RIPK1: variants seen among roughly 807,000 people sequenced by gnomAD.
The protein encoded by RIPK1 is receptor interacting serine/threonine kinase 1, also known as receptor-interacting serine/threonine-protein kinase 1.
RIPK1 carries 27 observed loss-of-function variants against 62.4 expected under a neutral mutation model. The observed-to-expected ratio is 0.43, with a 90% CI of 0.32 to 0.60. The LOEUF is 0.60. Ranked by LOEUF, RIPK1 falls within the 20% of genes least tolerant of loss-of-function variation. The probability of loss-of-function intolerance (pLI) is 0.07; values close to 1 mark genes in which losing one functional copy is unlikely to be tolerated. For synonymous variants in RIPK1, 287 were observed against 303.2 expected (o/e 0.95, Z 0.55); for missense variants, 735 against 831.0 (o/e 0.88, Z 1.42).
At chr6:3,101,147 G>A (rs1047962892) in intron 7 of RIPK1, among the ~76,000 whole-genome samples, 3 of 152,042 alleles carry the variant, frequency 2.0e-5, no homozygotes, top group Non-Finnish European at 4.4e-5. Flanking sequence ...GCGTGGTGGC[G>A]CATGCCTGTT....
At chr6:3,087,758 C>G (rs17541824) in intron 6 of RIPK1, among the ~76,000 whole-genome samples, 69 of 148,682 alleles carry the variant, frequency 4.6e-4, no homozygotes, top group East Asian at 7.9e-4. Flanking sequence ...CCAGGATGGT[C>G]TCCATCTCCT....
In RIPK1 at chr6:3,113,438, T is replaced by G. The variant is rs893695044; in HGVS notation, c.*99T>G. 8.6e-7 allele frequency: 1 copy of G among 1,160,282 alleles called. No homozygotes were observed. Among genetic ancestry groups the G allele is most frequent in the African/African-American group, 1.6e-5 (1 of 64,370 alleles). The allele number at this position is 1,160,282 out of a possible 1,614,324, so 71.9% of individuals were successfully genotyped here. A position where few individuals can be genotyped will look rare whatever the true frequency, so the allele number is the denominator to read the frequency against. On this transcript the variant is annotated 3_prime_UTR_variant, in exon 11 of 11. Transcript: ENST00000259808. The surrounding 1 kb of genome is among the most constrained non-coding windows in gnomAD (Gnocchi z 5.0). ...GCATTCAGAATTCTGTCCTCACTGA[T>G]AGGGGTTCTGTGTCTGCAGAAATTT...
In RIPK1 at chr6:3,076,773, C is replaced by G. The variant is rs1440466556; in HGVS notation, c.-51C>G. 6.3e-7 allele frequency: 1 copy of G among 1,593,618 alleles called. No individual in the cohort carries two copies. The highest frequency in any genetic ancestry group is 8.5e-7 in the Non-Finnish European group (1 of 1,171,142). Reference sequence around the variant, plus strand: ...TCTGTTTTCTTTACAGGGTACAGCTCTGCCGGGGGGGGAAAAAGTGGTACC... The same window carrying G: ...TCTGTTTTCTTTACAGGGTACAGCTGTGCCGGGGGGGGAAAAAGTGGTACC... On this transcript the variant is annotated 5_prime_UTR_variant, in exon 2 of 11. Coordinates refer to ENST00000259808, the MANE Select transcript of RIPK1 (RefSeq NM_001354930.2).
In RIPK1 at chr6:3,085,404, T is replaced by C. The variant is rs980531436; in HGVS notation, c.834T>C (p.Phe278=). The C allele has an allele frequency of 1.2e-6, 2 of 1,614,040 alleles. No homozygotes were observed. The highest frequency in any genetic ancestry group is 2.7e-5 in the African/African-American group (2 of 74,912). ...CGAATCCGGAAGCTCGGCCGACATTTCCTGGTAAGAGCATCTTTTCTGACT... is the reference window on the plus strand; with the variant it reads ...CGAATCCGGAAGCTCGGCCGACATTCCCTGGTAAGAGCATCTTTTCTGACT... The part of the protein sequence containing the change: ...WEANPEARPT[F]PGIEEKFRPF... Residue 278 remains phenylalanine (F), a synonymous_variant, in exon 6 of 11, where the codon TTT becomes TTC. Coordinates refer to ENST00000259808, the MANE Select transcript of RIPK1 (RefSeq NM_001354930.2).
At chr6:3,110,742 T>C (rs112277152) in intron 9 of RIPK1, 61 bp from the exon 10 acceptor site, 1 of 1,063,160 alleles carries the variant, frequency 9.4e-7, no homozygotes, top group Non-Finnish European at 1.4e-6. Context: ...TTTGCCATGC[T>C]GTATTTTTTT....
At chr6:3,077,026 C>T (rs778848983) in intron 2 of RIPK1, 39 bp downstream of exon 2, 30 of 1,345,018 alleles carry the variant, frequency 2.2e-5, no homozygotes, top group Non-Finnish European at 2.6e-5. Flanking sequence ...AAGTTCTGAG[C>T]GGGATGGGGA....
intron 3 of RIPK1, among the ~76,000 whole-genome samples, chr6:3,078,311 C>G (rs557014915): frequency 7.9e-5 from 12 of 152,320 alleles, no homozygotes; most frequent in African/African-American, 2.4e-4. Flanking sequence ...CTGGATAACA[C>G]AGTGAAATCC....
chr6:3,106,963 A>G (rs563162748), intron 9 of RIPK1, among the ~76,000 whole-genome samples: 3 of 152,276 alleles, frequency 2.0e-5, no homozygotes, highest in South Asian at 2.1e-4. Context: ...AGCTGGGGCC[A>G]TGGTTGGCCA....
At position 3,100,267 on chromosome 6, in the gene RIPK1, A is replaced by G. The variant is rs113308533; in HGVS notation, c.916-3958A>G. ...AAAACCCCGTCTCTACTAATAATAC[A>G]AAAAAAACTGGCCAGGTATGGTGGT... On this transcript the variant is annotated intron_variant, in intron 7 of 10. Coordinates refer to ENST00000259808, the MANE Select transcript of RIPK1 (RefSeq NM_001354930.2). Among the ~76,000 whole-genome samples, 802 of 151,890 alleles carry G rather than the reference A, an allele frequency of 5.3e-3. 7 individuals are homozygous for G. The highest frequency in any genetic ancestry group is 0.019 in the African/African-American group (785 of 41,424).
intron 8 of RIPK1, among the ~76,000 whole-genome samples, chr6:3,104,752 A>G (rs1760753101): frequency 6.6e-6 from 1 of 152,158 alleles, no homozygotes; most frequent in Non-Finnish European, 1.5e-5. Flanking sequence ...GTGGCTAATT[A>G]CTTAACCTCT....
chr6:3,068,202 T>C (rs1284699865), upstream of RIPK1: 2 of 984,328 alleles, frequency 2.0e-6, no homozygotes, highest in East Asian at 1.1e-4. Flanking sequence ...AGAGGAATGC[T>C]AACTTGCCTA....
intron 6 of RIPK1, among the ~76,000 whole-genome samples, chr6:3,086,786 A>C (rs1240482884): frequency 6.6e-6 from 1 of 152,202 alleles, no homozygotes; most frequent in Non-Finnish European, 1.5e-5. Flanking sequence ...TGACTGACTA[A>C]ATCATGGTCA....
In RIPK1 at chr6:3,105,659, C is replaced by A. The variant is rs368085162; in HGVS notation, c.1184C>A (p.Thr395Lys). ...HLYGSRMDRQ[T>K]KQQPRQNVAY... is the part of the protein sequence containing the mutation. ...TATGGCAGCCGCATGGACAGGCAGA[C>A]GAAACAGCAGCCCAGACAGAATGTG... The change falls in exon 9 of 11, where the codon ACG becomes AAG. Residue 395 changes from threonine (T) to lysine (K), a missense_variant. Around this residue, in one of 2 missense-constraint regions of RIPK1, gnomAD observed 671 missense variants for 726.2 expected, o/e 0.92. Coordinates refer to ENST00000259808, the MANE Select transcript of RIPK1 (RefSeq NM_001354930.2). This position sits in a 1 kb window ranked among gnomAD's most constrained non-coding sequence, Gnocchi z 4.5. 6.2e-7 allele frequency: 1 copy of A among 1,613,796 alleles called. No homozygotes were observed. The highest frequency in any genetic ancestry group is 8.5e-7 in the Non-Finnish European group (1 of 1,179,846).
intron 7 of RIPK1, among the ~76,000 whole-genome samples, chr6:3,096,952 C>T (rs1402848494): frequency 1.3e-5 from 2 of 151,858 alleles, no homozygotes; most frequent in Non-Finnish European, 2.9e-5. Flanking sequence ...CTCACTGAAA[C>T]CTCTGCCTCC....
rs1561765272 is a variant in RIPK1 at position 3,094,112 on chromosome 6, A to ACCTGCCGCACCTAGTAACTGCAGAGTG, written c.915+4458_915+4459insGCCGCACCTAGTAACTGCAGAGTGCCT. Among the ~76,000 whole-genome samples the ACCTGCCGCACCTAGTAACTGCAGAGTG allele has an allele frequency of 2.1e-4, 23 of 111,850 alleles. 1 individual carries two copies. Among genetic ancestry groups the ACCTGCCGCACCTAGTAACTGCAGAGTG allele is most frequent in the South Asian group, 1.7e-3 (6 of 3,576 alleles). The allele number at this position is 111,850 out of a possible 152,430, so 73.4% of individuals were successfully genotyped here. A position where few individuals can be genotyped will look rare whatever the true frequency, so the allele number is the denominator to read the frequency against. On this transcript the variant is annotated intron_variant, in intron 7 of 10. Coordinates refer to ENST00000259808, the MANE Select transcript of RIPK1 (RefSeq NM_001354930.2). ...CTCCTGCACCTAGTAACTGCAGAGT[A>ACCTGCCGCACCTAGTAACTGCAGAGTG]CCTACCTGCCGCACCTAGTAACTGC...
chr6:3,081,110 C>T lies in RIPK1; in HGVS notation c.453C>T (p.His151=), dbSNP rs1391773165. The T allele has an allele frequency of 6.2e-7, 1 of 1,613,656 alleles. No homozygotes were observed. The highest frequency in any genetic ancestry group is 1.1e-5 in the South Asian group (1 of 91,062). The change falls in exon 4 of 11, where the codon CAC becomes CAT. Residue 151 remains histidine (H), a synonymous_variant. Transcript: ENST00000259808. ...ATATCCTTGTTGATAATGACTTCCA[C>T]ATTAAGGTAAACCATCATCGGTAGG... The part of the protein sequence containing the change: ...PENILVDNDF[H]IKIADLGLAS...
intron 9 of RIPK1, among the ~76,000 whole-genome samples, chr6:3,109,190 AC>A (rs371613209): frequency 1.4e-4 from 21 of 152,262 alleles, no homozygotes; most frequent in African/African-American, 5.1e-4. Flanking sequence ...GAGAAGTCAA[AC>A]AGACCCAGCT....
chr6:3,096,335 A>G (rs1561767127), intron 7 of RIPK1, among the ~76,000 whole-genome samples: 1 of 152,158 alleles, frequency 6.6e-6, no homozygotes, highest in Non-Finnish European at 1.5e-5. Flanking sequence ...TTTTAAATTA[A>G]TAATAGTTTA....
rs564139359 is a variant in RIPK1, at chr6:3,072,914, C to T, written c.-60-3850C>T. Among the ~76,000 whole-genome samples, 16 of 152,276 alleles carry T rather than the reference C, an allele frequency of 1.1e-4. No homozygotes were observed. The highest frequency in any genetic ancestry group is 3.6e-4 in the African/African-American group (15 of 41,562). On this transcript the variant is annotated intron_variant, in intron 1 of 10. Coordinates refer to ENST00000259808, the MANE Select transcript of RIPK1 (RefSeq NM_001354930.2). The surrounding 1 kb of genome is among the most constrained non-coding windows in gnomAD (Gnocchi z 5.6). Reference sequence around the variant, plus strand: ...TTATCTTTTATGCCCTCTGTCTCCACCCGCTCCTACCTCATTCTCACTAGG... The same window carrying T: ...TTATCTTTTATGCCCTCTGTCTCCATCCGCTCCTACCTCATTCTCACTAGG...
Sources: allele counts gnomAD v4.1 joint callset (sites outside exome capture counted in the v4.1 genomes callset), GRCh38; gene constraint gnomAD v4.1.1; regional missense constraint gnomAD v4.1.1; non-coding constraint Gnocchi (gnomAD v3.1); transcripts MANE v1.5; gene names NCBI Gene and HGNC (gene_info 2026-07-23, HGNC 2026-07-21).